Variants in ARHGAP6 observed in about 807,000 individuals in gnomAD.
ARHGAP6 encodes Rho GTPase activating protein 6, also known as rho GTPase-activating protein 6.
In ARHGAP6, 16 loss-of-function variants were observed where a neutral mutation model predicts 55.7. The ratio of observed to expected loss-of-function variants is 0.29; its 90% CI spans 0.19 to 0.44. The LOEUF (loss-of-function observed/expected upper bound fraction) is 0.44. Ranked by LOEUF, ARHGAP6 falls within the 20% of genes least tolerant of loss-of-function variation. The pLI, the probability that ARHGAP6 is intolerant of heterozygous loss-of-function variation, is 1.00. For synonymous variants in ARHGAP6, 382 were observed against 360.9 expected, an observed-to-expected ratio of 1.06 and a Z score of -0.66; for missense variants, 698 against 808.9, an observed-to-expected ratio of 0.86 and a Z score of 1.66.
At chrX:11,527,453 A>G (rs983845956) in intron 1 of ARHGAP6, among the ~76,000 whole-genome samples, 3 of 111,210 alleles carry the variant, frequency 2.7e-5, no homozygotes. Flanking sequence ...CTCTATTAAA[A>G]ATACAAAAAT....
chrX:11,447,381 A>C (rs2147803900), intron 1 of ARHGAP6, among the ~76,000 whole-genome samples: 1 of 112,631 alleles, frequency 8.9e-6, no homozygotes. Flanking sequence ...ACCTTCCCAC[A>C]AAAATAATCC....
intron 1 of ARHGAP6, among the ~76,000 whole-genome samples, chrX:11,374,907 C>T (rs746945884): frequency 8.9e-6 from 1 of 111,737 alleles, no homozygotes; most frequent in Non-Finnish European, 1.9e-5. Flanking sequence ...TCCCCTCCAT[C>T]ATTCTATCCC....
At chrX:11,286,871 A>C (rs1431417482) in intron 1 of ARHGAP6, among the ~76,000 whole-genome samples, 1 of 112,050 alleles carries the variant, frequency 8.9e-6, no homozygotes, top group African/African-American at 3.2e-5. Context: ...AAATCCATAG[A>C]CACAGGAAAT....
At chrX:11,268,187 T>C (rs1165301041) in intron 1 of ARHGAP6, among the ~76,000 whole-genome samples, 1 of 112,068 alleles carries the variant, frequency 8.9e-6, no homozygotes, top group African/African-American at 3.2e-5. Flanking sequence ...AAAAATATCA[T>C]AGAATCACTG....
At chrX:11,407,377 T>C (rs1052489947) in intron 1 of ARHGAP6, among the ~76,000 whole-genome samples, 2 of 112,580 alleles carry the variant, frequency 1.8e-5, no homozygotes, top group Non-Finnish European at 3.8e-5. Flanking sequence ...GTTGACCATA[T>C]TTTGTTTATC....
chrX:11,357,697 A>G (rs2048949502), intron 1 of ARHGAP6, among the ~76,000 whole-genome samples: 1 of 111,114 alleles, frequency 9.0e-6, no homozygotes, highest in Non-Finnish European at 1.9e-5. Flanking sequence ...AGATGACATC[A>G]CCCCCATGCT....
intron 9 of ARHGAP6, among the ~76,000 whole-genome samples, chrX:11,157,293 G>A (rs1482668671): frequency 8.9e-6 from 1 of 112,435 alleles, no homozygotes; most frequent in Non-Finnish European, 1.9e-5. Flanking sequence ...TTGGTCAATG[G>A]TAAATACTCA....
At chrX:11,152,395 T>C (rs1447107561) in intron 10 of ARHGAP6, among the ~76,000 whole-genome samples, 1 of 111,954 alleles carries the variant, frequency 8.9e-6, no homozygotes, top group Non-Finnish European at 1.9e-5. Context: ...TAATTTACTA[T>C]AATTTAGCCT....
At chrX:11,348,557 T>A (rs12014027) in intron 1 of ARHGAP6, among the ~76,000 whole-genome samples, 7 of 112,027 alleles carry the variant, frequency 6.2e-5, no homozygotes, top group Non-Finnish European at 9.4e-5. Context: ...TAGCTCACCA[T>A]GGGAACTCAG....
chrX:11,447,801 G>A (rs2050106593), intron 1 of ARHGAP6, among the ~76,000 whole-genome samples: 1 of 112,471 alleles, frequency 8.9e-6, no homozygotes, highest in African/African-American at 3.2e-5. Context: ...GTTTCTAAGG[G>A]ATGCTGGCTC....
intron 1 of ARHGAP6, among the ~76,000 whole-genome samples, 163 bp downstream of exon 1, chrX:11,664,078 C>G (rs1005832244): frequency 1.8e-5 from 2 of 112,626 alleles, no homozygotes; most frequent in African/African-American, 6.5e-5. Flanking sequence ...TAGGGACATC[C>G]CATTTCCAGG....
At chrX:11,345,881 C>T (rs2048775388) in intron 1 of ARHGAP6, among the ~76,000 whole-genome samples, 1 of 111,355 alleles carries the variant, frequency 9.0e-6, no homozygotes, top group African/African-American at 3.3e-5. Flanking sequence ...GTGTGTAACC[C>T]CTGCCTTTCT....
At chrX:11,378,883 A>C (rs2049231271) in intron 1 of ARHGAP6, among the ~76,000 whole-genome samples, 1 of 112,743 alleles carries the variant, frequency 8.9e-6, no homozygotes, top group Non-Finnish European at 1.9e-5. Context: ...ACTTCACTCA[A>C]GCCAACTTTC....
At chrX:11,253,618 T>C (rs1298948087) in intron 2 of ARHGAP6, among the ~76,000 whole-genome samples, 2 of 112,314 alleles carry the variant, frequency 1.8e-5, no homozygotes, top group Non-Finnish European at 3.8e-5. Context: ...AGTGCCTTTA[T>C]AGGCCAGGTG....
rs775502110 is a variant in ARHGAP6 at position 11,202,618 on chromosome X, G to T, written c.749-5622C>A. On this transcript the variant is annotated intron_variant, in intron 2 of 12. Coordinates refer to ENST00000337414, the MANE Select transcript of ARHGAP6 (RefSeq NM_013427.3). ...AGGTCAGGAGTTCGAGACTAGCCTGGCCAACCTGGTGAAATCCCATCTCTA... is the reference window on the plus strand; with the variant it reads ...AGGTCAGGAGTTCGAGACTAGCCTGTCCAACCTGGTGAAATCCCATCTCTA... Among the ~76,000 whole-genome samples the T allele has an allele frequency of 6.0e-4, 65 of 108,789 alleles. No individual in the cohort carries two copies. The Middle Eastern group carries it at 0.019, about 31-fold the overall frequency. The allele number at this position is 108,789 out of a possible 115,157, so 94.5% of individuals were successfully genotyped here. A position where few individuals can be genotyped will look rare whatever the true frequency, so the allele number is the denominator to read the frequency against.
chrX:11,297,088 G>A (rs2048098531), intron 1 of ARHGAP6, among the ~76,000 whole-genome samples: 1 of 111,674 alleles, frequency 9.0e-6, no homozygotes, highest in African/African-American at 3.3e-5. Context: ...CCACTACTCA[G>A]GGAGGCTCCA....
intron 1 of ARHGAP6, among the ~76,000 whole-genome samples, chrX:11,527,221 G>A (rs931054139): frequency 1.8e-5 from 2 of 111,489 alleles, no homozygotes; most frequent in Non-Finnish European, 3.8e-5. Context: ...CTTCAAGCCT[G>A]AGTTTCCATA....
intron 2 of ARHGAP6, among the ~76,000 whole-genome samples, chrX:11,217,158 T>C (rs1475175296): frequency 3.6e-4 from 41 of 112,377 alleles, no homozygotes; most frequent in African/African-American, 1.3e-3. Flanking sequence ...CTATTGTGAA[T>C]AGTGCTGCAA....
At chrX:11,662,768 A>G (rs1375477718) in intron 1 of ARHGAP6, among the ~76,000 whole-genome samples, 1 of 112,675 alleles carries the variant, frequency 8.9e-6, no homozygotes, top group Admixed American at 9.3e-5. Context: ...TTAAGCACGA[A>G]TGTTAGCTAG....
Sources: allele counts gnomAD v4.1 joint callset (sites outside exome capture counted in the v4.1 genomes callset), GRCh38; gene constraint gnomAD v4.1.1; transcripts MANE v1.5; gene names NCBI Gene and HGNC (gene_info 2026-07-23, HGNC 2026-07-21).